RBFOX1: variants seen among roughly 807,000 people sequenced by gnomAD.
RBFOX1 encodes the protein RNA binding protein fox-1 homolog 1.
RBFOX1 carries 8 observed loss-of-function variants against 57.7 expected under a neutral mutation model. The observed-to-expected ratio is 0.14, with a 90% CI of 0.08 to 0.25. RBFOX1 has a LOEUF of 0.25. Ranked by LOEUF, RBFOX1 falls within the 10% of genes least tolerant of loss-of-function variation. The pLI is 1.00. For missense variants in RBFOX1, 611 were observed against 548.5 expected (o/e 1.11, Z -1.14); for synonymous variants, 326 against 222.4 (o/e 1.47, Z -4.15).
At chr16:7,075,543 T>G (rs569416313) in intron 4 of RBFOX1, among the ~76,000 whole-genome samples, 29 of 152,258 alleles carry the variant, frequency 1.9e-4, no homozygotes, top group Non-Finnish European at 4.0e-4. Context: ...CCACACAACT[T>G]TGGGTTTGCA....
intron 4 of RBFOX1, among the ~76,000 whole-genome samples, chr16:7,204,725 G>A (rs974537412): frequency 6.6e-6 from 1 of 152,084 alleles, no homozygotes; most frequent in Non-Finnish European, 1.5e-5. Flanking sequence ...TGTATTTTTA[G>A]AGCGAGGCTT....
chr16:6,637,895 AT>A (rs1328300401), intron 2 of RBFOX1, among the ~76,000 whole-genome samples: 1 of 152,132 alleles, frequency 6.6e-6, no homozygotes, highest in African/African-American at 2.4e-5. Context: ...AGTGAATTAC[AT>A]TTTACAGGGA....
At chr16:7,027,772 AT>A (rs112914770) in intron 3 of RBFOX1, among the ~76,000 whole-genome samples, 21,514 of 151,286 alleles carry the variant, frequency 0.14, 2,835 homozygotes, top group African/African-American at 0.33. Context: ...TACAGCTTGC[AT>A]TTTTTTTTAT....
intron 7 of RBFOX1, among the ~76,000 whole-genome samples, chr16:7,592,308 C>T (rs1364358008): frequency 6.6e-6 from 1 of 152,196 alleles, no homozygotes; most frequent in African/African-American, 2.4e-5. Flanking sequence ...TTAGTTCATG[C>T]CCCTTCCTTG....
In RBFOX1 at chr16:6,631,074, G is replaced by C. The variant is rs529970336; in HGVS notation, c.-63-23529G>C. On this transcript the variant is annotated intron_variant, in intron 2 of 15. Coordinates refer to ENST00000550418, the MANE Select transcript of RBFOX1 (RefSeq NM_018723.4). ...TAATATGAATGAAAGTAGAGAGAGA[G>C]GGCATTTGGAGGGGGGTTGGTGCAG... Among the ~76,000 whole-genome samples the C allele has an allele frequency of 1.2e-4, 18 of 152,068 alleles. No homozygotes were observed. The East Asian group carries it at 3.5e-3, about 29-fold the overall frequency.
chr16:7,224,616 G>T (rs1253958933), intron 4 of RBFOX1, among the ~76,000 whole-genome samples: 1 of 152,136 alleles, frequency 6.6e-6, no homozygotes, highest in African/African-American at 2.4e-5. Context: ...GGTGGGTTAG[G>T]GGGAGGTAAT....
chr16:7,244,528 G>C (rs1002359007), intron 4 of RBFOX1, among the ~76,000 whole-genome samples: 2 of 152,168 alleles, frequency 1.3e-5, no homozygotes, highest in African/African-American at 4.8e-5. Flanking sequence ...GCTTCCATTA[G>C]AGTCAGAGCC....
intron 3 of RBFOX1, among the ~76,000 whole-genome samples, chr16:5,829,105 C>T (rs1012552616): frequency 6.6e-6 from 1 of 152,134 alleles, no homozygotes; most frequent in Non-Finnish European, 1.5e-5. Context: ...AGCTCCAGCT[C>T]ACACTCAGGA....
At chr16:7,233,338 C>T (rs969114604) in intron 4 of RBFOX1, among the ~76,000 whole-genome samples, 13 of 151,988 alleles carry the variant, frequency 8.6e-5, no homozygotes, top group African/African-American at 2.9e-4. Flanking sequence ...CCCAGCTCTT[C>T]TATATTCTTT....
chr16:6,979,649 G>C (rs2088125159), intron 3 of RBFOX1, among the ~76,000 whole-genome samples: 2 of 152,298 alleles, frequency 1.3e-5, no homozygotes, highest in South Asian at 2.1e-4. Flanking sequence ...TTGGGTTGCA[G>C]AAATAAGTTA....
At chr16:6,904,151 A>G (rs1157386310) in intron 3 of RBFOX1, among the ~76,000 whole-genome samples, 3 of 152,190 alleles carry the variant, frequency 2.0e-5, no homozygotes, top group African/African-American at 7.2e-5. Context: ...TTTTTAAAGG[A>G]GAAATGAAAG....
At chr16:6,691,528 G>A (rs552790497) in intron 3 of RBFOX1, among the ~76,000 whole-genome samples, 3 of 152,006 alleles carry the variant, frequency 2.0e-5, no homozygotes, top group South Asian at 2.1e-4. Context: ...AATGCGTTTC[G>A]CAGGTTTCCC....
At chr16:6,969,507 G>T (rs2085040213) in intron 3 of RBFOX1, among the ~76,000 whole-genome samples, 1 of 152,080 alleles carries the variant, frequency 6.6e-6, no homozygotes, top group Admixed American at 6.6e-5. Context: ...GGCCAACGTA[G>T]GTGGATCGAT....
chr16:5,541,343 C>T (rs1005662063), intron 2 of RBFOX1, among the ~76,000 whole-genome samples: 4 of 152,038 alleles, frequency 2.6e-5, no homozygotes, highest in African/African-American at 9.7e-5. Context: ...GGACACACGC[C>T]CATGACACTG....
intron 3 of RBFOX1, among the ~76,000 whole-genome samples, chr16:6,858,089 C>G (rs1474848206): frequency 6.6e-6 from 1 of 152,144 alleles, no homozygotes; most frequent in African/African-American, 2.4e-5. Flanking sequence ...TGATGTTTCT[C>G]TAACTAGAAA....
intron 2 of RBFOX1, among the ~76,000 whole-genome samples, chr16:6,449,596 G>A (rs1302473073): frequency 6.6e-6 from 1 of 152,214 alleles, no homozygotes; most frequent in African/African-American, 2.4e-5. Flanking sequence ...CTTATGATGG[G>A]CACTGGGATG....
At chr16:5,620,472 C>G (rs2048169807) in intron 3 of RBFOX1, among the ~76,000 whole-genome samples, 2 of 152,136 alleles carry the variant, frequency 1.3e-5, no homozygotes, top group South Asian at 4.1e-4. Context: ...CGGAGAAATG[C>G]ATTTTCTCAT....
At chr16:5,331,150 C>T (rs185236057) in intron 1 of RBFOX1, among the ~76,000 whole-genome samples, 15 of 152,138 alleles carry the variant, frequency 9.9e-5, no homozygotes, top group African/African-American at 2.7e-4. Context: ...GTATAACTTA[C>T]GTGGACTCCT....
chr16:6,917,803 A>G (rs974445266), intron 3 of RBFOX1, among the ~76,000 whole-genome samples: 5 of 152,132 alleles, frequency 3.3e-5, no homozygotes, highest in African/African-American at 1.2e-4. Flanking sequence ...GCAGACCTTC[A>G]GCTGCCTCTT....
Sources: allele counts gnomAD v4.1 joint callset (sites outside exome capture counted in the v4.1 genomes callset), GRCh38; gene constraint gnomAD v4.1.1; transcripts MANE v1.5; gene names NCBI Gene and HGNC (gene_info 2026-07-23, HGNC 2026-07-21).